The following GLCE variants were observed in gnomAD, a reference collection of about 807,000 sequenced individuals.
GLCE encodes the protein glucuronic acid epimerase.
A neutral mutation model predicts 47.9 loss-of-function variants in GLCE; 19 were observed. The ratio of observed to expected loss-of-function variants is 0.40; its 90% CI spans 0.28 to 0.58. The LOEUF is 0.58. GLCE is among the 20% of genes least tolerant of loss of function. The probability of loss-of-function intolerance (pLI) is 0.48; values close to 1 mark genes in which losing one functional copy is unlikely to be tolerated. For synonymous variants in GLCE, 245 were observed against 263.4 expected (o/e 0.93, Z 0.68); for missense variants, 556 against 743.3 (o/e 0.75, Z 2.93).
chr15:69,161,758 G>T (rs1566943386), intron 1 of GLCE, among the ~76,000 whole-genome samples: 2 of 152,210 alleles, frequency 1.3e-5, no homozygotes, highest in Non-Finnish European at 1.5e-5. Flanking sequence ...CGGGATCCCT[G>T]TGGGGGCGCG....
Position 69,255,896 on chromosome 15 carries a change from G to A in GLCE, c.90G>A (p.Lys30=). ...FTLVTVLLWN[K]CSSDKAIQFP... is the part of the protein sequence containing the mutation. The stretch of plus-strand genomic sequence containing the variant: ...TGGTCACAGTACTTTTGTGGAATAA[G>A]TGTTCCAGTGACAAAGCAATCCAGT... Residue 30 remains lysine (K), a synonymous_variant, in exon 3 of 5, where the codon AAG becomes AAA. Coordinates refer to ENST00000261858, the MANE Select transcript of GLCE (RefSeq NM_015554.3). The A allele has an allele frequency of 1.2e-6, 2 of 1,613,964 alleles. No individual in the cohort carries two copies. The highest frequency in any genetic ancestry group is 1.7e-5 in the Admixed American group (1 of 59,988).
intron 3 of GLCE, among the ~76,000 whole-genome samples, chr15:69,259,301 T>C (rs1265181996): frequency 6.6e-6 from 1 of 152,220 alleles, no homozygotes; most frequent in Non-Finnish European, 1.5e-5. Context: ...AATCTGGTTG[T>C]CTTTTCATTT....
At chr15:69,226,475 A>C (rs1190665490) in intron 2 of GLCE, among the ~76,000 whole-genome samples, 1 of 152,256 alleles carries the variant, frequency 6.6e-6, no homozygotes, top group Non-Finnish European at 1.5e-5. Context: ...TCAATTAGTC[A>C]CTCCTAAAAT....
intron 1 of GLCE, among the ~76,000 whole-genome samples, chr15:69,202,684 C>T (rs972803846): frequency 6.6e-6 from 1 of 152,076 alleles, no homozygotes; most frequent in African/African-American, 2.4e-5. Context: ...TCTACACAGG[C>T]ATTGATTTCA....
intron 1 of GLCE, among the ~76,000 whole-genome samples, chr15:69,186,555 C>T (rs1276812751): frequency 6.6e-6 from 1 of 152,182 alleles, no homozygotes; most frequent in Non-Finnish European, 1.5e-5. Context: ...ACCTGAATAA[C>T]ACAGAAGATT....
intron 1 of GLCE, among the ~76,000 whole-genome samples, chr15:69,178,190 T>G (rs1372913001): frequency 6.6e-6 from 1 of 152,186 alleles, no homozygotes; most frequent in Admixed American, 6.5e-5. Context: ...CTAATTTTCT[T>G]AATACACAAA....
chr15:69,188,027 G>A (rs1490440159), intron 1 of GLCE, among the ~76,000 whole-genome samples: 1 of 152,104 alleles, frequency 6.6e-6, no homozygotes, highest in Non-Finnish European at 1.5e-5. Flanking sequence ...TCGCCCCACT[G>A]CACTCCAGCC....
chr15:69,231,085 A>G (rs1010705971), intron 2 of GLCE, among the ~76,000 whole-genome samples: 2 of 152,238 alleles, frequency 1.3e-5, no homozygotes, highest in African/African-American at 4.8e-5. Flanking sequence ...GTTTTGAAAA[A>G]GAAAACAAAT....
intron 1 of GLCE, among the ~76,000 whole-genome samples, chr15:69,167,815 T>C (rs1333537837): frequency 6.7e-6 from 1 of 149,772 alleles, no homozygotes; most frequent in East Asian, 2.0e-4. Context: ...GAAAAAGACT[T>C]GGGAAAAGTT....
chr15:69,169,624 A>G (rs562516372), intron 1 of GLCE, among the ~76,000 whole-genome samples: 19 of 143,514 alleles, frequency 1.3e-4, no homozygotes, highest in Non-Finnish European at 2.2e-4. Context: ...ATTCTCACCT[A>G]TGAATGATAA....
At chr15:69,209,903 G>A (rs1209412169) in intron 1 of GLCE, among the ~76,000 whole-genome samples, 1 of 152,014 alleles carries the variant, frequency 6.6e-6, no homozygotes, top group East Asian at 1.9e-4. Context: ...TTAGTTCTTA[G>A]TAACCTCCAT....
In GLCE at chr15:69,163,994, T is replaced by C. The variant is rs184944847; in HGVS notation, c.-105+3237T>C. On this transcript the variant is annotated intron_variant, in intron 1 of 4. Coordinates refer to ENST00000261858, the MANE Select transcript of GLCE (RefSeq NM_015554.3). ...GTAAAATGTTAAAACATGTTAAGTT[T>C]GTTGGATATTTAATTATGTAAAGAT... is the stretch of plus-strand genomic sequence containing the variant. Among the ~76,000 whole-genome samples, 3 of 152,214 alleles carry C rather than the reference T, an allele frequency of 2.0e-5. No individual in the cohort carries two copies. The East Asian group carries it at 5.8e-4, about 29-fold the overall frequency.
intron 2 of GLCE, among the ~76,000 whole-genome samples, chr15:69,241,217 C>T (rs188424195): frequency 9.2e-5 from 14 of 152,248 alleles, no homozygotes; most frequent in Admixed American, 9.2e-4. Context: ...TGCCATTAAA[C>T]AGTTGAGCAG....
intron 1 of GLCE, among the ~76,000 whole-genome samples, chr15:69,189,796 A>G (rs1156925606): frequency 6.6e-6 from 1 of 151,964 alleles, no homozygotes; most frequent in Non-Finnish European, 1.5e-5. Flanking sequence ...GCTTAGGATT[A>G]GCTTGCTTTT....
intron 1 of GLCE, among the ~76,000 whole-genome samples, chr15:69,184,374 T>C (rs1359657610): frequency 6.6e-6 from 1 of 152,178 alleles, no homozygotes; most frequent in Non-Finnish European, 1.5e-5. Flanking sequence ...AAATATTAAT[T>C]ATAAAAAATA....
intron 4 of GLCE, among the ~76,000 whole-genome samples, chr15:69,264,223 G>A (rs1339448056): frequency 1.4e-5 from 2 of 147,252 alleles, no homozygotes; most frequent in African/African-American, 2.5e-5. Context: ...CAGTTGTTTG[G>A]AGGTCCACAT....
intron 1 of GLCE, among the ~76,000 whole-genome samples, chr15:69,165,491 G>A (rs529011152): frequency 2.2e-5 from 3 of 137,396 alleles, no homozygotes; most frequent in Non-Finnish European, 4.6e-5. Flanking sequence ...AAGATACAAC[G>A]TAAGCACTGT....
chr15:69,167,173 G>A (rs976681048), intron 1 of GLCE, among the ~76,000 whole-genome samples: 6 of 152,100 alleles, frequency 3.9e-5, no homozygotes, highest in South Asian at 2.1e-4. Context: ...CTGAGATCGC[G>A]CCACTGCACT....
At chr15:69,172,551 A>G (rs907715484) in intron 1 of GLCE, among the ~76,000 whole-genome samples, 2 of 152,164 alleles carry the variant, frequency 1.3e-5, no homozygotes, top group Non-Finnish European at 2.9e-5. Context: ...ATTGTTTTAC[A>G]GATGAGGAAA....
Sources: allele counts gnomAD v4.1 joint callset (sites outside exome capture counted in the v4.1 genomes callset), GRCh38; gene constraint gnomAD v4.1.1; transcripts MANE v1.5; gene names NCBI Gene and HGNC (gene_info 2026-07-23, HGNC 2026-07-21).